TENM3: variants seen among roughly 807,000 people sequenced by gnomAD.
TENM3 encodes the protein teneurin transmembrane protein 3.
Under a neutral mutation model 255.1 loss-of-function variants are expected in TENM3, and 63 were observed. The ratio of observed to expected loss-of-function variants is 0.25; its 90% CI spans 0.20 to 0.30. The LOEUF is 0.30. Among genes scored for constraint, TENM3 ranks in the 10% least tolerant of loss-of-function variants. TENM3 has a pLI of 1.00. For synonymous variants in TENM3, 1,306 were observed against 1,322.3 expected (o/e 0.99, Z 0.27); for missense variants, 2,929 against 3,461.1 (o/e 0.85, Z 3.86).
intron 1 of TENM3, chr4:182,144,916 C>T (rs1749825145): frequency 6.6e-6 from 1 of 151,688 alleles, no homozygotes; most frequent in Admixed American, 6.6e-5. Flanking sequence ...CTCCACGGTC[C>T]GGCCTCCCCG....
chr4:181,867,051 T>A, the TENM3 span, among the ~76,000 whole-genome samples: 1 of 152,160 alleles, frequency 6.6e-6, no homozygotes, highest in African/African-American at 2.4e-5. Context: ...CTGCTTCTCA[T>A]CATGCATTAT....
intron 3 of TENM3, among the ~76,000 whole-genome samples, chr4:182,537,651 CTA>C (rs150966942): frequency 0.011 from 1,658 of 152,254 alleles, 27 homozygotes; most frequent in African/African-American, 0.038. Flanking sequence ...CAAAAGTTTT[CTA>C]TGACACCGTC....
the TENM3 span, among the ~76,000 whole-genome samples, chr4:181,543,405 T>G: frequency 0.095 from 14,413 of 152,102 alleles, 879 homozygotes; most frequent in South Asian, 0.16. Context: ...TGAACAAAAA[T>G]ACCTTAAGAT....
At chr4:182,635,404 G>A (rs1335186794) in intron 5 of TENM3, among the ~76,000 whole-genome samples, 1 of 152,088 alleles carries the variant, frequency 6.6e-6, no homozygotes, top group East Asian at 1.9e-4. Context: ...AAGAATCCCT[G>A]CATCCTTTAA....
chr4:182,496,132 G>C (rs34684846), intron 3 of TENM3, among the ~76,000 whole-genome samples: 1 of 151,894 alleles, frequency 6.6e-6, no homozygotes, highest in Non-Finnish European at 1.5e-5. Context: ...GTATATGTCC[G>C]GACCCCTTTT....
chr4:182,719,806 A>T (rs4333226), intron 13 of TENM3, among the ~76,000 whole-genome samples: 1 of 152,124 alleles, frequency 6.6e-6, no homozygotes, highest in Non-Finnish European at 1.5e-5. Context: ...CATACCTGTA[A>T]TCCTATCATT....
the TENM3 span, among the ~76,000 whole-genome samples, chr4:181,655,433 C>T: frequency 0.54 from 81,961 of 152,016 alleles, 23,104 homozygotes; most frequent in Non-Finnish European, 0.62. Flanking sequence ...CAAAGCTGTA[C>T]TGAGGATCTA....
the TENM3 span, among the ~76,000 whole-genome samples, chr4:181,850,493 C>CTT: frequency 6.6e-6 from 1 of 151,988 alleles, no homozygotes; most frequent in Admixed American, 6.6e-5. Flanking sequence ...TTTCTCAAAA[C>CTT]TTTAAAAGTT....
At chr4:182,469,506 G>T (rs1202637700) in intron 3 of TENM3, among the ~76,000 whole-genome samples, 1 of 152,106 alleles carries the variant, frequency 6.6e-6, no homozygotes, top group Non-Finnish European at 1.5e-5. Flanking sequence ...CTTGAGGTCA[G>T]GAGTTCAAGA....
the TENM3 span, among the ~76,000 whole-genome samples, chr4:181,770,717 T>C: frequency 1.4e-5 from 2 of 139,154 alleles, no homozygotes; most frequent in African/African-American, 5.3e-5. Flanking sequence ...AGTTCACAGA[T>C]AAAATTTTAT....
chr4:182,426,856 C>T (rs1384726704), intron 3 of TENM3, among the ~76,000 whole-genome samples: 1 of 152,138 alleles, frequency 6.6e-6, no homozygotes, highest in Non-Finnish European at 1.5e-5. Flanking sequence ...TCTTTCCAGA[C>T]AGAAATTATA....
At chr4:182,614,111 A>G (rs898559028) in intron 4 of TENM3, among the ~76,000 whole-genome samples, 1 of 152,232 alleles carries the variant, frequency 6.6e-6, no homozygotes, top group Non-Finnish European at 1.5e-5. Context: ...ATCAAAGTAC[A>G]TAGTTTACAT....
At chr4:182,769,974 C>G (rs568391629) in intron 22 of TENM3, among the ~76,000 whole-genome samples, 2 of 151,344 alleles carry the variant, frequency 1.3e-5, no homozygotes, top group African/African-American at 4.9e-5. Flanking sequence ...GGCGTGGTGG[C>G]GGGGGCCTCT....
chr4:182,347,771 CA>C (rs1764921990), intron 3 of TENM3, among the ~76,000 whole-genome samples: 1 of 152,052 alleles, frequency 6.6e-6, no homozygotes, highest in African/African-American at 2.4e-5. Flanking sequence ...ATGCAGCAAA[CA>C]AAAAATTCTC....
At chr4:181,956,754 C>T in the TENM3 span, among the ~76,000 whole-genome samples, 5 of 152,168 alleles carry the variant, frequency 3.3e-5, no homozygotes, top group South Asian at 2.1e-4. Context: ...GAAAAAGCTA[C>T]GCTACATAAT....
intron 1 of TENM3, among the ~76,000 whole-genome samples, chr4:182,151,799 A>G (rs1046705650): frequency 2.6e-5 from 4 of 151,982 alleles, no homozygotes; most frequent in Non-Finnish European, 4.4e-5. Context: ...ATTTTGTGTA[A>G]TGATGAGAAT....
intron 2 of TENM3, among the ~76,000 whole-genome samples, chr4:182,328,340 C>T (rs1054722521): frequency 5.2e-4 from 79 of 152,076 alleles, no homozygotes; most frequent in African/African-American, 1.8e-3. Flanking sequence ...CTCAGCTTCC[C>T]GAGTAGCTGG....
At chr4:182,448,477 G>A (rs1419509922) in intron 3 of TENM3, among the ~76,000 whole-genome samples, 2 of 152,218 alleles carry the variant, frequency 1.3e-5, no homozygotes, top group Non-Finnish European at 2.9e-5. Flanking sequence ...GTGGGTGAAG[G>A]CGACACCTCG....
At chr4:182,007,863 G>T in the TENM3 span, among the ~76,000 whole-genome samples, 4 of 152,148 alleles carry the variant, frequency 2.6e-5, no homozygotes, top group Admixed American at 2.6e-4. Flanking sequence ...GGCTGCTACT[G>T]GTTTTTCCTT....
Sources: allele counts gnomAD v4.1 joint callset (sites outside exome capture counted in the v4.1 genomes callset), GRCh38; gene constraint gnomAD v4.1.1; transcripts MANE v1.5; gene names NCBI Gene and HGNC (gene_info 2026-07-23, HGNC 2026-07-21).